Variants in GMPS observed in about 807,000 individuals in gnomAD.
GMPS encodes GMP synthase [glutamine-hydrolyzing].
Under a neutral mutation model 77.9 loss-of-function variants are expected in GMPS, and 15 were observed. The observed-to-expected ratio is 0.19, with a 90% confidence interval of 0.13 to 0.30. The LOEUF (loss-of-function observed/expected upper bound fraction) is 0.30, where lower values mean the gene tolerates loss of function less well. GMPS is among the 10% of genes least tolerant of loss of function. GMPS has a pLI of 1.00. For synonymous variants in GMPS, 224 were observed against 275.9 expected (o/e 0.81, Z 1.86); for missense variants, 590 against 838.8 (o/e 0.70, Z 3.66).
At chr3:155,898,899 CATTA>C (rs1042191615) in intron 3 of GMPS, among the ~76,000 whole-genome samples, 1 of 152,120 alleles carries the variant, frequency 6.6e-6, no homozygotes, top group African/African-American at 2.4e-5. Context: ...TCCATTGTAA[CATTA>C]ATTAATAAGT....
intron 1 of GMPS, among the ~76,000 whole-genome samples, chr3:155,874,886 C>G (rs1473483370): frequency 8.0e-6 from 1 of 125,510 alleles, no homozygotes; most frequent in Non-Finnish European, 1.7e-5. Flanking sequence ...GTAGTACATT[C>G]TTAAACTTTG....
intron 9 of GMPS, among the ~76,000 whole-genome samples, chr3:155,918,068 A>C (rs1426117389): frequency 1.3e-5 from 2 of 152,208 alleles, no homozygotes; most frequent in African/African-American, 4.8e-5. Flanking sequence ...CAATCTAACC[A>C]AAAGTACATA....
At position 155,922,342 on chromosome 3, in the gene GMPS, G is replaced by A. The variant is rs773020600; in HGVS notation, c.1434+40G>A. 4.9e-5 allele frequency: 39 copies of A among 792,992 alleles called. No homozygotes were observed. The Admixed American group carries it at 6.6e-4, about 13-fold the overall frequency. The allele number at this position is 792,992 out of a possible 1,614,324, so 49.1% of individuals were successfully genotyped here. A position where few individuals can be genotyped will look rare whatever the true frequency, so the allele number is the denominator to read the frequency against. ...AGCTAATCATTACAAGAAATTGAAC[G>A]GATTCTTATTATATACCAGCATTTA... On this transcript the variant is annotated intron_variant, in intron 11 of 15. Transcript: ENST00000496455.
rs571034196 is a variant in GMPS at position 155,914,359 on chromosome 3, G to A, written c.887-60G>A. On this transcript the variant is annotated intron_variant, in intron 7 of 15. Coordinates refer to ENST00000496455, the MANE Select transcript of GMPS (RefSeq NM_003875.3). ...AGCTTTTCTTTCTGTATTTTGACTT[G>A]TTATTTTTGATTAAAAAACATGTTA... 8.0e-6 allele frequency: 10 copies of A among 1,245,560 alleles called. No individual in the cohort carries two copies. The South Asian group carries it at 1.7e-4, about 21-fold the overall frequency. The allele number at this position is 1,245,560 out of a possible 1,614,324, so 77.2% of individuals were successfully genotyped here. A position where few individuals can be genotyped will look rare whatever the true frequency, so the allele number is the denominator to read the frequency against.
chr3:155,943,283 C>A lies in GMPS; in HGVS notation c.*5591C>A. 1 of 180,700 alleles carries A rather than the reference C, an allele frequency of 5.5e-6. No individual in the cohort carries two copies. Among genetic ancestry groups the A allele is most frequent in the Non-Finnish European group, 1.2e-5 (1 of 84,474 alleles). 11.2% of individuals were successfully genotyped at this position (180,700 alleles called of 1,614,324 possible). On this transcript the variant is annotated 3_prime_UTR_variant, in exon 16 of 16. Transcript: ENST00000496455. ...TTTTGAACCCTGTGGTGTCTTTTAA[C>A]TTTGTTAAGGGCCCTTGGTTAGCAA...
chr3:155,886,567 T>TAAAAA (rs1197342031), intron 1 of GMPS, among the ~76,000 whole-genome samples: 1 of 82,838 alleles, frequency 1.2e-5, no homozygotes. Flanking sequence ...AGAGTCCATC[T>TAAAAA]CAAAAAAAAA....
chr3:155,942,172 C>G lies in GMPS; in HGVS notation c.*4480C>G, dbSNP rs1383260955. Reference sequence around the variant, plus strand: ...CACAATCTCGGCTCACTGCAAGCTCCGCTTCGTGGGTTCACGCCATTCTCC... The same window carrying G: ...CACAATCTCGGCTCACTGCAAGCTCGGCTTCGTGGGTTCACGCCATTCTCC... On this transcript the variant is annotated 3_prime_UTR_variant, in exon 16 of 16. Coordinates refer to ENST00000496455, the MANE Select transcript of GMPS (RefSeq NM_003875.3). The G allele has an allele frequency of 5.4e-6, 1 of 184,656 alleles. No individual in the cohort carries two copies. The highest frequency in any genetic ancestry group is 8.8e-5 in the East Asian group (1 of 11,370). 11.4% of individuals were successfully genotyped at this position (184,656 alleles called of 1,614,324 possible). A position where few individuals can be genotyped will look rare whatever the true frequency, so the allele number is the denominator to read the frequency against.
chr3:155,889,924 T>C (rs1754423359), intron 1 of GMPS, among the ~76,000 whole-genome samples: 1 of 152,222 alleles, frequency 6.6e-6, no homozygotes, highest in African/African-American at 2.4e-5. Context: ...TTTTCTATCT[T>C]GTGATGCTGA....
chr3:155,876,297 C>T (rs1754047805), intron 1 of GMPS, among the ~76,000 whole-genome samples: 1 of 152,188 alleles, frequency 6.6e-6, no homozygotes, highest in Admixed American at 6.5e-5. Context: ...GATATTTCTC[C>T]TGTCATCACC....
chr3:155,877,798 T>A (rs1367919176), intron 1 of GMPS, among the ~76,000 whole-genome samples: 1 of 8,744 alleles, frequency 1.1e-4, no homozygotes, highest in Non-Finnish European at 3.1e-4. Flanking sequence ...CCTTGGGGCC[T>A]TTTTTTTTTT....
At chr3:155,888,274 T>G (rs559352362) in intron 1 of GMPS, among the ~76,000 whole-genome samples, 1 of 151,516 alleles carries the variant, frequency 6.6e-6, no homozygotes, top group Non-Finnish European at 1.5e-5. Flanking sequence ...CGTTCTGAGT[T>G]CATAGACTAA....
intron 1 of GMPS, among the ~76,000 whole-genome samples, chr3:155,891,762 A>C (rs1754473497): frequency 6.6e-6 from 1 of 151,920 alleles, no homozygotes; most frequent in Non-Finnish European, 1.5e-5. Context: ...GCCCACCACA[A>C]TGCCTGGCTA....
chr3:155,909,274 G>C (rs1164048968), intron 5 of GMPS, among the ~76,000 whole-genome samples: 1 of 152,174 alleles, frequency 6.6e-6, no homozygotes, highest in Non-Finnish European at 1.5e-5. Context: ...AAACACATTT[G>C]TCAAGTAGTT....
At chr3:155,873,623 T>A (rs1183940839) in intron 1 of GMPS, among the ~76,000 whole-genome samples, 1 of 144,874 alleles carries the variant, frequency 6.9e-6, no homozygotes, top group Non-Finnish European at 1.5e-5. Context: ...TGTCGTTAGG[T>A]TACATGAGTA....
In GMPS at chr3:155,941,276, T is replaced by C. The variant is rs969736537; in HGVS notation, c.*3584T>C. 5.7e-6 allele frequency: 1 copy of C among 176,584 alleles called. No individual in the cohort carries two copies. Among genetic ancestry groups the C allele is most frequent in the South Asian group, 2.0e-4 (1 of 5,024 alleles). 10.9% of individuals were successfully genotyped at this position (176,584 alleles called of 1,614,324 possible). A position where few individuals can be genotyped will look rare whatever the true frequency, so the allele number is the denominator to read the frequency against. ...CAAATTAGCTGGGCGCGGTGGCGGG[T>C]GCCTGTAGTCCCAGCTACTCGGGAG... On this transcript the variant is annotated 3_prime_UTR_variant, in exon 16 of 16. Coordinates refer to ENST00000496455, the MANE Select transcript of GMPS (RefSeq NM_003875.3).
At chr3:155,906,338 G>A in intron 5 of GMPS, 75 bp downstream of exon 5, 1 of 729,694 alleles carries the variant, frequency 1.4e-6, no homozygotes, top group South Asian at 1.9e-5. Context: ...TTCTGTATGA[G>A]GTACTCTTTG....
chr3:155,870,129 C>G (rs1442929251), upstream of GMPS, among the ~76,000 whole-genome samples: 1 of 152,246 alleles, frequency 6.6e-6, no homozygotes, highest in Non-Finnish European at 1.5e-5. Context: ...TCTAAGTGAT[C>G]AGTTCCTACA....
intron 2 of GMPS, chr3:155,895,605 G>T (rs551061578): frequency 3.3e-5 from 5 of 151,922 alleles, no homozygotes; most frequent in African/African-American, 1.2e-4. Context: ...GCCACCCCTC[G>T]CGGCCCACCT....
chr3:155,884,214 C>T (rs796897723), intron 1 of GMPS, among the ~76,000 whole-genome samples: 2 of 151,002 alleles, frequency 1.3e-5, no homozygotes, highest in Admixed American at 6.6e-5. Context: ...GGTGAAACCC[C>T]GTCTCTACTA....
Sources: allele counts gnomAD v4.1 joint callset (sites outside exome capture counted in the v4.1 genomes callset), GRCh38; gene constraint gnomAD v4.1.1; transcripts MANE v1.5; gene names NCBI Gene and HGNC (gene_info 2026-07-23, HGNC 2026-07-21).